Variants in MARCHF6 observed in about 807,000 individuals in gnomAD.
The protein encoded by MARCHF6 is membrane associated ring-CH-type finger 6, also known as E3 ubiquitin-protein ligase MARCHF6.
In MARCHF6, 31 loss-of-function variants were observed where a neutral mutation model predicts 133.7. That is an observed-to-expected ratio of 0.23 (90% CI 0.17 to 0.31). The LOEUF (loss-of-function observed/expected upper bound fraction) is 0.31, where lower values mean the gene tolerates loss of function less well. MARCHF6 is among the 10% of genes least tolerant of loss of function. MARCHF6 has a pLI of 1.00. For synonymous variants in MARCHF6, 395 were observed against 402.5 expected (o/e 0.98, Z 0.22); for missense variants, 723 against 1,121.6 (o/e 0.64, Z 5.08).
chr5:10,418,936 A>G (rs1489583913), intron 22 of MARCHF6, among the ~76,000 whole-genome samples: 3 of 152,204 alleles, frequency 2.0e-5, no homozygotes, highest in African/African-American at 7.2e-5. Flanking sequence ...ATGGTGTTCC[A>G]TAAGAGATAG....
At chr5:10,421,419 A>ATGTG (rs1177519747) in intron 22 of MARCHF6, among the ~76,000 whole-genome samples, 18 of 152,254 alleles carry the variant, frequency 1.2e-4, no homozygotes, top group Admixed American at 1.2e-3. Context: ...TAGACAGATA[A>ATGTG]TGTGCAGCGT....
Position 10,409,099 on chromosome 5 carries a change from G to A in MARCHF6, c.1554-1040G>A, listed in dbSNP as rs184910015. On this transcript the variant is annotated intron_variant, in intron 17 of 25. Coordinates refer to ENST00000274140, the MANE Select transcript of MARCHF6 (RefSeq NM_005885.4). ...GTCGCCCAAAGTGCTGGGATTATAG[G>A]TGTGAGCCACTGCGCCCAGCCTCTT... is the stretch of plus-strand genomic sequence containing the variant. 4.2e-3 allele frequency among the ~76,000 whole-genome samples: 645 copies of A among 152,248 alleles called. 8 individuals are homozygous for A. The highest frequency in any genetic ancestry group is 0.014 in the African/African-American group (584 of 41,524).
rs1482900509 is a variant in MARCHF6, at chr5:10,365,937, C to CAT, written c.20-11853_20-11852dup. Among the ~76,000 whole-genome samples the CAT allele has an allele frequency of 1.1e-4, 17 of 151,768 alleles. No individual in the cohort carries two copies. The East Asian group carries it at 3.1e-3, about 28-fold the overall frequency. On this transcript the variant is annotated intron_variant, in intron 1 of 25. Transcript: ENST00000274140. ...CCATATTAGCAAATAGTTATATATA[C>CAT]ATATATATACTTTTTTTTTGTTTTT...
rs201190018 is a variant in MARCHF6 at position 10,435,379 on chromosome 5, G to GA, written c.*1710dup. On this transcript the variant is annotated 3_prime_UTR_variant, in exon 26 of 26. Transcript: ENST00000274140. ...TTCGAGGCCAACCTAGGCAAAATTGGAAAAAAAAAAAAAAATCAGTATCAG... is the reference window on the plus strand; with the variant it reads ...TTCGAGGCCAACCTAGGCAAAATTGGAAAAAAAAAAAAAAAATCAGTATCAG... 2.3e-3 allele frequency: 302 copies of GA among 130,888 alleles called. 1 individual carries two copies. Among genetic ancestry groups the GA allele is most frequent in the African/African-American group, 3.6e-3 (133 of 36,682 alleles). 8.1% of individuals were successfully genotyped at this position (130,888 alleles called of 1,614,324 possible).
intron 1 of MARCHF6, among the ~76,000 whole-genome samples, chr5:10,368,025 T>TG (rs1218287937): frequency 4.6e-5 from 7 of 152,088 alleles, no homozygotes; most frequent in East Asian, 1.9e-4. Context: ...ACGAATCTGA[T>TG]GGGGGGGAGC....
At position 10,433,664 on chromosome 5, in the gene MARCHF6, C is replaced by G. The variant is rs1740475144; in HGVS notation, c.2713C>G (p.Pro905Ala). The change falls in exon 26 of 26, where the codon CCA becomes GCA. Residue 905 changes from proline (P) to alanine (A), a missense_variant. By Grantham distance (27) the Pro-to-Ala change is conservative. Around this residue, in one of 4 missense-constraint regions of MARCHF6, gnomAD observed 492 missense variants for 699.5 expected, o/e 0.70. Transcript: ENST00000274140. ...CAAACAAGGCTCATCTCCACCACCT[C>G]CACAGTCATCCCAAGAATAAAGTAG... ...SGKQGSSPPP[P>A]QSSQE 2.5e-6 allele frequency: 4 copies of G among 1,614,066 alleles called. No individual in the cohort carries two copies. The highest frequency in any genetic ancestry group is 2.5e-6 in the Non-Finnish European group (3 of 1,179,996).
At chr5:10,363,724 A>G (rs1448264127) in intron 1 of MARCHF6, among the ~76,000 whole-genome samples, 1 of 152,216 alleles carries the variant, frequency 6.6e-6, no homozygotes, top group Non-Finnish European at 1.5e-5. Context: ...CCATCAACTG[A>G]TGAGTAGATA....
chr5:10,433,987 T>C lies in MARCHF6; in HGVS notation c.*303T>C. The C allele has an allele frequency of 3.4e-6, 1 of 296,072 alleles. No homozygotes were observed. Among genetic ancestry groups the C allele is most frequent in the South Asian group, 3.7e-5 (1 of 27,216 alleles). The allele number at this position is 296,072 out of a possible 1,614,324, so 18.3% of individuals were successfully genotyped here. The stretch of plus-strand genomic sequence containing the variant: ...AAAATGTATATTAATTTATTAAATC[T>C]AGTTGTCACTTTATTTTGGACCTGC... On this transcript the variant is annotated 3_prime_UTR_variant, in exon 26 of 26. Coordinates refer to ENST00000274140, the MANE Select transcript of MARCHF6 (RefSeq NM_005885.4).
chr5:10,377,012 A>T (rs2126689482), intron 1 of MARCHF6, among the ~76,000 whole-genome samples: 1 of 152,276 alleles, frequency 6.6e-6, no homozygotes, highest in African/African-American at 2.4e-5. Context: ...AGGGTTCCCT[A>T]AGTGGACCCG....
At chr5:10,370,952 A>T (rs1400345611) in intron 1 of MARCHF6, among the ~76,000 whole-genome samples, 1 of 152,210 alleles carries the variant, frequency 6.6e-6, no homozygotes, top group Non-Finnish European at 1.5e-5. Context: ...GACATTATGA[A>T]AAAAATAAAA....
chr5:10,411,190 C>T (rs1277767257), intron 18 of MARCHF6, 143 bp from the exon 19 acceptor site: 7 of 669,292 alleles, frequency 1.0e-5, no homozygotes, highest in Non-Finnish European at 1.8e-5. Context: ...ACATTTAGAC[C>T]AAAATTAGGT....
At chr5:10,387,864 G>A (rs1187235153) in intron 5 of MARCHF6, among the ~76,000 whole-genome samples, 2 of 152,072 alleles carry the variant, frequency 1.3e-5, no homozygotes, top group Non-Finnish European at 2.9e-5. Flanking sequence ...GTTTCACCAT[G>A]TTAGCCAGGC....
rs1740718070 is a variant in MARCHF6 at position 10,438,098 on chromosome 5, C to T, written c.*4414C>T. On this transcript the variant is annotated 3_prime_UTR_variant, in exon 26 of 26. Transcript: ENST00000274140. The stretch of plus-strand genomic sequence containing the variant: ...CCTCACTGGGAAGAGTAAGGCCCCA[C>T]ATTTTGTGCAATAGCAAGCTACTGC... 6.6e-6 allele frequency: 1 copy of T among 152,264 alleles called. No homozygotes were observed. The highest frequency in any genetic ancestry group is 2.4e-5 in the African/African-American group (1 of 41,416). 9.4% of individuals were successfully genotyped at this position (152,264 alleles called of 1,614,324 possible). A position where few individuals can be genotyped will look rare whatever the true frequency, so the allele number is the denominator to read the frequency against.
intron 17 of MARCHF6, among the ~76,000 whole-genome samples, chr5:10,408,913 T>C (rs1192605392): frequency 6.6e-6 from 1 of 152,234 alleles, no homozygotes; most frequent in East Asian, 1.9e-4. Context: ...TTTACAAATA[T>C]GTATTGTTTT....
At chr5:10,357,750 A>G (rs1735565200) in intron 1 of MARCHF6, among the ~76,000 whole-genome samples, 1 of 152,196 alleles carries the variant, frequency 6.6e-6, no homozygotes, top group Admixed American at 6.5e-5. Flanking sequence ...ATGTTTACTG[A>G]GGACCTGTTA....
Position 10,436,864 on chromosome 5 carries a change from A to G in MARCHF6, c.*3180A>G, listed in dbSNP as rs1286435913. 2.0e-5 allele frequency: 3 copies of G among 152,364 alleles called. No individual in the cohort carries two copies. The highest frequency in any genetic ancestry group is 2.1e-4 in the South Asian group (1 of 4,832). The allele number at this position is 152,364 out of a possible 1,614,324, so 9.4% of individuals were successfully genotyped here. ...TGGGCCATCTCAATTCCAGATGTAA[A>G]CAAAAAGTAATTTTTATTTCAACAT... is the stretch of plus-strand genomic sequence containing the variant. On this transcript the variant is annotated 3_prime_UTR_variant, in exon 26 of 26. Transcript: ENST00000274140.
intron 9 of MARCHF6, among the ~76,000 whole-genome samples, chr5:10,395,502 T>C (rs545631976): frequency 4.6e-5 from 7 of 152,184 alleles, no homozygotes; most frequent in Non-Finnish European, 1.0e-4. Flanking sequence ...GCCATATTAG[T>C]AAAGATTGCA....
At position 10,403,442 on chromosome 5, in the gene MARCHF6, G is replaced by C. The variant is rs770199149; in HGVS notation, c.1233G>C (p.Leu411=). 4.3e-6 allele frequency: 7 copies of C among 1,613,980 alleles called. No individual in the cohort carries two copies. Among genetic ancestry groups the C allele is most frequent in the Non-Finnish European group, 5.9e-6 (7 of 1,179,910 alleles). The part of the protein sequence containing the change: ...MFDATLKDRE[L]SFQSAPGTTM... ...ATGCTACTCTGAAAGATCGAGAACT[G>C]AGCTTTCAGTCGGCTCCAGGTACTA... The change falls in exon 15 of 26, where the codon CTG becomes CTC. Residue 411 remains leucine (L), a synonymous_variant. Transcript: ENST00000274140.
At chr5:10,391,981 C>G (rs1255570976) in intron 7 of MARCHF6, among the ~76,000 whole-genome samples, 1 of 142,416 alleles carries the variant, frequency 7.0e-6, no homozygotes, top group Non-Finnish European at 1.5e-5. Flanking sequence ...TTTTGGGAGA[C>G]TGAGTCTCGC....
Sources: gnomAD v4.1 joint callset for allele counts (sites outside exome capture counted in the v4.1 genomes callset) on GRCh38, gnomAD v4.1.1 for gene constraint, gnomAD v4.1.1 regional missense constraint, MANE v1.5 for transcripts, NCBI Gene and HGNC (gene_info 2026-07-23, HGNC 2026-07-21) for gene names.